Variants in HCN1 observed in about 807,000 individuals in gnomAD.
HCN1 encodes the protein potassium/sodium hyperpolarization-activated cyclic nucleotide-gated channel 1.
In HCN1, 13 loss-of-function variants were observed where a neutral mutation model predicts 78.9. The ratio of observed to expected loss-of-function variants is 0.16; its 90% CI spans 0.11 to 0.26. The LOEUF (loss-of-function observed/expected upper bound fraction) is 0.26. HCN1 is among the 10% of genes least tolerant of loss of function. The pLI is 1.00. For synonymous variants in HCN1, 552 were observed against 455.5 expected (o/e 1.21, Z -2.70); for missense variants, 810 against 1,154.3 (o/e 0.70, Z 4.32).
intron 2 of HCN1, among the ~76,000 whole-genome samples, chr5:45,566,963 T>C (rs1443297408): frequency 6.6e-6 from 1 of 152,196 alleles, no homozygotes; most frequent in African/African-American, 2.4e-5. Context: ...ATACAGGTTA[T>C]AGGTTAAGAA....
chr5:45,585,327 T>C lies in HCN1; in HGVS notation c.849+59858A>G, dbSNP rs1458526540. ...TCTTCCAGTTCATCAAATCGGCTAC[T>C]GAGGCTTGTGCATTGGTCATGTAGT... On this transcript the variant is annotated intron_variant, in intron 2 of 7. Transcript: ENST00000303230. 5.9e-5 allele frequency among the ~76,000 whole-genome samples: 9 copies of C among 152,232 alleles called. No individual in the cohort carries two copies. In the East Asian group the frequency reaches 1.7e-3, roughly 29 times the overall value.
intron 5 of HCN1, among the ~76,000 whole-genome samples, chr5:45,326,359 A>G (rs1264272778): frequency 6.6e-6 from 1 of 151,668 alleles, no homozygotes; most frequent in Non-Finnish European, 1.5e-5. Flanking sequence ...CATAATGTAT[A>G]TTCAATATTT....
intron 4 of HCN1, among the ~76,000 whole-genome samples, chr5:45,356,338 C>T: frequency 6.6e-6 from 1 of 151,640 alleles, no homozygotes; most frequent in East Asian, 1.9e-4. Flanking sequence ...ACTTAAAATT[C>T]TAATATATTT....
chr5:45,411,391 C>T (rs1238489921), intron 3 of HCN1, among the ~76,000 whole-genome samples: 1 of 151,344 alleles, frequency 6.6e-6, no homozygotes, highest in Non-Finnish European at 1.5e-5. Flanking sequence ...AGTTACAAGA[C>T]TAAACCAATG....
intron 5 of HCN1, among the ~76,000 whole-genome samples, chr5:45,322,629 T>C (rs1746146650): frequency 6.6e-6 from 1 of 151,832 alleles, no homozygotes; most frequent in Admixed American, 6.6e-5. Flanking sequence ...TTTTACACAA[T>C]ATTTTAAAAT....
At chr5:45,322,370 G>A (rs1579809929) in intron 5 of HCN1, among the ~76,000 whole-genome samples, 2 of 151,760 alleles carry the variant, frequency 1.3e-5, no homozygotes, top group Non-Finnish European at 2.9e-5. Flanking sequence ...TGACCACAAT[G>A]ATGATATTCA....
At chr5:45,657,488 T>C (rs1193567041) in intron 1 of HCN1, among the ~76,000 whole-genome samples, 1 of 152,228 alleles carries the variant, frequency 6.6e-6, no homozygotes, top group East Asian at 1.9e-4. Context: ...CTTGCTTTTT[T>C]TATGTAGGCC....
chr5:45,379,912 T>A (rs1056938284), intron 4 of HCN1, among the ~76,000 whole-genome samples: 1 of 151,972 alleles, frequency 6.6e-6, no homozygotes, highest in Non-Finnish European at 1.5e-5. Context: ...ATAGTGGTGA[T>A]GATTACATGA....
chr5:45,348,953 A>G (rs1746818148), intron 5 of HCN1, among the ~76,000 whole-genome samples: 1 of 152,224 alleles, frequency 6.6e-6, no homozygotes. Context: ...TGTCAACATT[A>G]GACAGATTAA....
chr5:45,337,171 T>A (rs1039456935), intron 5 of HCN1, among the ~76,000 whole-genome samples: 1 of 152,112 alleles, frequency 6.6e-6, no homozygotes, highest in East Asian at 1.9e-4. Flanking sequence ...GAGCTCTGCA[T>A]TGAATGACTA....
chr5:45,514,687 A>T (rs566604936), intron 2 of HCN1, among the ~76,000 whole-genome samples: 1 of 152,092 alleles, frequency 6.6e-6, no homozygotes, highest in East Asian at 1.9e-4. Context: ...ATTTCTACTC[A>T]TCTCTCAGAA....
chr5:45,322,102 T>C (rs1025809576), intron 5 of HCN1, among the ~76,000 whole-genome samples: 2 of 151,916 alleles, frequency 1.3e-5, no homozygotes, highest in African/African-American at 4.8e-5. Flanking sequence ...TTTCCTCTAA[T>C]AATTCCGTGA....
At chr5:45,395,896 C>G (rs1739677896) in intron 4 of HCN1, among the ~76,000 whole-genome samples, 1 of 152,086 alleles carries the variant, frequency 6.6e-6, no homozygotes, top group Non-Finnish European at 1.5e-5. Flanking sequence ...TACTTTTTCT[C>G]TCTCTTGTGA....
chr5:45,537,258 T>TA (rs970771726), intron 2 of HCN1, among the ~76,000 whole-genome samples: 32 of 151,888 alleles, frequency 2.1e-4, no homozygotes, highest in African/African-American at 5.3e-4. Flanking sequence ...CCTCAATTTT[T>TA]AAAAAAAATA....
chr5:45,386,581 T>C (rs1561136122), intron 4 of HCN1, among the ~76,000 whole-genome samples: 1 of 152,160 alleles, frequency 6.6e-6, no homozygotes, highest in South Asian at 2.1e-4. Flanking sequence ...AGGTGGAGCT[T>C]AGTTCAGGGG....
chr5:45,376,115 T>C (rs1328764084), intron 4 of HCN1, among the ~76,000 whole-genome samples: 1 of 110,142 alleles, frequency 9.1e-6, no homozygotes. Flanking sequence ...TTTTATAATA[T>C]ATAATATGTT....
intron 3 of HCN1, among the ~76,000 whole-genome samples, chr5:45,420,244 G>T (rs1740200445): frequency 6.6e-6 from 1 of 152,066 alleles, no homozygotes; most frequent in Non-Finnish European, 1.5e-5. Flanking sequence ...CTTGCATCCT[G>T]TGGCACACTA....
chr5:45,549,504 G>T (rs1212195293), intron 2 of HCN1, among the ~76,000 whole-genome samples: 3 of 152,122 alleles, frequency 2.0e-5, no homozygotes, highest in African/African-American at 7.2e-5. Context: ...ATCCAAGATG[G>T]ATTAAAGACT....
chr5:45,389,427 T>TA (rs558723688), intron 4 of HCN1, among the ~76,000 whole-genome samples: 2 of 152,124 alleles, frequency 1.3e-5, no homozygotes, highest in Non-Finnish European at 2.9e-5. Context: ...ATTAATTTCC[T>TA]AAAAAAATAA....
Sources: gnomAD v4.1 joint callset for allele counts (sites outside exome capture counted in the v4.1 genomes callset) on GRCh38, gnomAD v4.1.1 for gene constraint, MANE v1.5 for transcripts, NCBI Gene and HGNC (gene_info 2026-07-23, HGNC 2026-07-21) for gene names.